Variants in KHDRBS2 observed in about 807,000 individuals in gnomAD.
KHDRBS2 encodes the protein KH RNA binding domain containing, signal transduction associated 2.
In KHDRBS2, 26 loss-of-function variants were observed where a neutral mutation model predicts 44.3. The ratio of observed to expected loss-of-function variants is 0.59; its 90% CI spans 0.43 to 0.81. KHDRBS2 has a LOEUF of 0.81. Ranked by LOEUF, KHDRBS2 falls within the 40% of genes least tolerant of loss-of-function variation. The pLI, the probability that KHDRBS2 is intolerant of heterozygous loss-of-function variation, is 0.00. For missense variants in KHDRBS2, 476 were observed against 433.1 expected, an observed-to-expected ratio of 1.10 and a Z score of -0.88; for synonymous variants, 194 against 151.1, an observed-to-expected ratio of 1.28 and a Z score of -2.08.
chr6:62,099,067 T>C (rs1584688798), intron 2 of KHDRBS2, among the ~76,000 whole-genome samples: 2 of 152,340 alleles, frequency 1.3e-5, no homozygotes, highest in East Asian at 3.9e-4. Context: ...TAAGGTTCAT[T>C]GAGTTTCCTT....
At chr6:62,070,834 T>A (rs1451963889) in intron 2 of KHDRBS2, among the ~76,000 whole-genome samples, 1 of 152,212 alleles carries the variant, frequency 6.6e-6, no homozygotes, top group East Asian at 1.9e-4. Flanking sequence ...GCATGATTTA[T>A]AATCCTCTGG....
intron 6 of KHDRBS2, among the ~76,000 whole-genome samples, chr6:61,838,693 T>C (rs963420937): frequency 1.3e-5 from 2 of 152,008 alleles, no homozygotes; most frequent in African/African-American, 4.8e-5. Flanking sequence ...CCATCTATTT[T>C]GACCCAGCCC....
Position 61,954,980 on chromosome 6 carries a change from A to T in KHDRBS2, c.483+23086T>A, listed in dbSNP as rs867423461. ...TATGTATATATACGCATACATATGT[A>T]TGTGTATACATATATAGACATACAT... On this transcript the variant is annotated intron_variant, in intron 4 of 8. Transcript: ENST00000281156. Among the ~76,000 whole-genome samples the T allele has an allele frequency of 4.6e-4, 30 of 65,392 alleles. No homozygotes were observed. In the East Asian group the frequency reaches 0.015, roughly 32 times the overall value. 42.9% of individuals were successfully genotyped at this position (65,392 alleles called of 152,430 possible). A position where few individuals can be genotyped will look rare whatever the true frequency, so the allele number is the denominator to read the frequency against.
intron 6 of KHDRBS2, among the ~76,000 whole-genome samples, chr6:61,766,358 C>A (rs1385545745): frequency 2.0e-5 from 3 of 151,594 alleles, no homozygotes; most frequent in Non-Finnish European, 4.4e-5. Flanking sequence ...TTATTTGGGT[C>A]TTCTCTCTTT....
At chr6:62,077,805 G>A (rs1796631144) in intron 2 of KHDRBS2, among the ~76,000 whole-genome samples, 1 of 151,972 alleles carries the variant, frequency 6.6e-6, no homozygotes, top group Non-Finnish European at 1.5e-5. Flanking sequence ...TAAACTGAAG[G>A]AAAGAATTAA....
chr6:61,717,060 T>C (rs1441857946), intron 7 of KHDRBS2, among the ~76,000 whole-genome samples: 1 of 152,078 alleles, frequency 6.6e-6, no homozygotes, highest in Admixed American at 6.6e-5. Context: ...CCTTAGGTTT[T>C]CTTGAGAGAC....
chr6:61,573,434 G>C, the KHDRBS2 span, among the ~76,000 whole-genome samples: 16 of 151,878 alleles, frequency 1.1e-4, no homozygotes, highest in African/African-American at 3.6e-4. Flanking sequence ...ATCAAAGTAT[G>C]CCCATCATCA....
At chr6:61,955,155 T>G (rs1201983412) in intron 4 of KHDRBS2, among the ~76,000 whole-genome samples, 1 of 145,220 alleles carries the variant, frequency 6.9e-6, no homozygotes, top group Admixed American at 6.8e-5. Context: ...TACGTGTGTA[T>G]GTATGTATAC....
chr6:61,945,110 A>ATGTATATATATATAT (rs1414544846), intron 4 of KHDRBS2, among the ~76,000 whole-genome samples: 1 of 46,274 alleles, frequency 2.2e-5, no homozygotes, highest in African/African-American at 1.1e-4. Context: ...AAAAAAAAAA[A>ATGTATATATATATAT]AAGTATATAT....
At chr6:61,908,334 C>A (rs1018760085) in intron 4 of KHDRBS2, among the ~76,000 whole-genome samples, 1 of 151,950 alleles carries the variant, frequency 6.6e-6, no homozygotes, top group Non-Finnish European at 1.5e-5. Flanking sequence ...AATTTCCAGT[C>A]ATTAAAAATC....
chr6:61,548,894 G>A, the KHDRBS2 span, among the ~76,000 whole-genome samples: 1 of 152,084 alleles, frequency 6.6e-6, no homozygotes, highest in African/African-American at 2.4e-5. Flanking sequence ...TAGGCTGCGT[G>A]CATCTCTTTC....
At chr6:61,567,308 C>T in the KHDRBS2 span, among the ~76,000 whole-genome samples, 1 of 152,166 alleles carries the variant, frequency 6.6e-6, no homozygotes, top group African/African-American at 2.4e-5. Context: ...CAAGAAGGTC[C>T]TAGATCTAAA....
At chr6:62,257,023 A>G (rs559800755) in intron 1 of KHDRBS2, among the ~76,000 whole-genome samples, 1 of 152,134 alleles carries the variant, frequency 6.6e-6, no homozygotes, top group Admixed American at 6.6e-5. Context: ...ATACAGATCA[A>G]TCCTCAAACT....
chr6:62,059,882 AAAC>A (rs1445618656), intron 2 of KHDRBS2, among the ~76,000 whole-genome samples: 10 of 152,036 alleles, frequency 6.6e-5, no homozygotes, highest in South Asian at 2.1e-4. Context: ...AAATTTAAAA[AAAC>A]AAGGGAAAAC....
chr6:61,768,928 C>T (rs1387212669), intron 6 of KHDRBS2, among the ~76,000 whole-genome samples: 2 of 152,048 alleles, frequency 1.3e-5, no homozygotes, highest in Admixed American at 1.3e-4. Flanking sequence ...TCTCCTCCCC[C>T]TACCTTCTTA....
chr6:62,224,871 T>G (rs934903436), intron 1 of KHDRBS2, among the ~76,000 whole-genome samples: 1 of 152,146 alleles, frequency 6.6e-6, no homozygotes, highest in Non-Finnish European at 1.5e-5. Context: ...AAAGAAAAGT[T>G]TCATGCTCAA....
intron 6 of KHDRBS2, among the ~76,000 whole-genome samples, chr6:61,787,952 T>C (rs1784057945): frequency 6.6e-6 from 1 of 151,640 alleles, no homozygotes. Flanking sequence ...TAACAACACA[T>C]AGGCGTGCAC....
chr6:61,898,678 C>A (rs920803146), intron 5 of KHDRBS2, among the ~76,000 whole-genome samples: 1 of 151,842 alleles, frequency 6.6e-6, no homozygotes, highest in African/African-American at 2.4e-5. Flanking sequence ...GGATTTAGAA[C>A]CCAGGCATTC....
At chr6:61,941,714 G>A (rs1483679289) in intron 4 of KHDRBS2, among the ~76,000 whole-genome samples, 1 of 152,008 alleles carries the variant, frequency 6.6e-6, no homozygotes, top group Admixed American at 6.6e-5. Context: ...CAGAATCAAA[G>A]CCAAAGTGTC....
Sources: gnomAD v4.1 joint callset for allele counts (sites outside exome capture counted in the v4.1 genomes callset) on GRCh38, gnomAD v4.1.1 for gene constraint, MANE v1.5 for transcripts, NCBI Gene and HGNC (gene_info 2026-07-23, HGNC 2026-07-21) for gene names.